Variants in KCTD16 observed in about 807,000 individuals in gnomAD.
KCTD16 encodes the protein BTB/POZ domain-containing protein KCTD16.
A neutral mutation model predicts 33.2 loss-of-function variants in KCTD16; 13 were observed. The ratio of observed to expected loss-of-function variants is 0.39; its 90% CI spans 0.25 to 0.62. The LOEUF (loss-of-function observed/expected upper bound fraction) is 0.62. KCTD16 is among the 20% of genes least tolerant of loss of function. The pLI, the probability that KCTD16 is intolerant of heterozygous loss-of-function variation, is 0.50. For missense variants in KCTD16, 441 were observed against 525.1 expected (o/e 0.84, Z 1.57); for synonymous variants, 197 against 195.3 (o/e 1.01, Z -0.07).
chr5:144,381,234 AC>A (rs1036520958), intron 3 of KCTD16, among the ~76,000 whole-genome samples: 1 of 152,158 alleles, frequency 6.6e-6, no homozygotes, highest in Non-Finnish European at 1.5e-5. Context: ...GCAAATCAAA[AC>A]CACAATGAGA....
chr5:144,238,601 T>TG (rs1754317842), intron 3 of KCTD16, among the ~76,000 whole-genome samples: 1 of 152,164 alleles, frequency 6.6e-6, no homozygotes, highest in African/African-American at 2.4e-5. Context: ...TATGCCTCCA[T>TG]GATCACCTGG....
chr5:144,279,201 A>G (rs1755533384), intron 3 of KCTD16, among the ~76,000 whole-genome samples: 1 of 152,218 alleles, frequency 6.6e-6, no homozygotes, highest in Non-Finnish European at 1.5e-5. Context: ...CTTTTCTTGT[A>G]GACACACTGA....
intron 3 of KCTD16, among the ~76,000 whole-genome samples, chr5:144,255,302 G>GAA (rs1429761201): frequency 1.3e-5 from 2 of 152,088 alleles, no homozygotes; most frequent in Non-Finnish European, 1.5e-5. Flanking sequence ...GTATCTCTTT[G>GAA]AAAGCCTCAA....
At chr5:144,423,241 A>G (rs2126963664) in intron 3 of KCTD16, among the ~76,000 whole-genome samples, 2 of 152,286 alleles carry the variant, frequency 1.3e-5, no homozygotes, top group Middle Eastern at 6.8e-3. Flanking sequence ...ACATAAGATT[A>G]CATGGGCTCC....
At chr5:144,178,741 G>C (rs1400130265) in intron 2 of KCTD16, among the ~76,000 whole-genome samples, 1 of 152,134 alleles carries the variant, frequency 6.6e-6, no homozygotes, top group South Asian at 2.1e-4. Flanking sequence ...ATTTATAAAT[G>C]TCATTTCTTT....
Position 144,441,849 on chromosome 5 carries a change from A to C in KCTD16, c.833-31811A>C, listed in dbSNP as rs367617562. 5.7e-4 allele frequency among the ~76,000 whole-genome samples: 85 copies of C among 149,360 alleles called. No homozygotes were observed. In the East Asian group the frequency reaches 0.012, roughly 20 times the overall value. ...ATATAAATGTTAAGATCATCTTGAC[A>C]ATTTCTGCAAAAAAAAAAAAAAATC... is the stretch of plus-strand genomic sequence containing the variant. On this transcript the variant is annotated intron_variant, in intron 3 of 3. Transcript: ENST00000512467.
At chr5:144,341,387 G>A (rs1752638707) in intron 3 of KCTD16, among the ~76,000 whole-genome samples, 3 of 152,116 alleles carry the variant, frequency 2.0e-5, no homozygotes, top group African/African-American at 7.2e-5. Flanking sequence ...GATTTCTCAT[G>A]GGGATTAGGC....
At position 144,484,845 on chromosome 5, in the gene KCTD16, T is replaced by TC. The variant is rs1272175461; in HGVS notation, c.*10731_*10732insC. The TC allele has an allele frequency of 2.0e-5, 3 of 151,998 alleles. No homozygotes were observed. The highest frequency in any genetic ancestry group is 4.4e-5 in the Non-Finnish European group (3 of 67,936). The allele number at this position is 151,998 out of a possible 1,614,324, so 9.4% of individuals were successfully genotyped here. A position where few individuals can be genotyped will look rare whatever the true frequency, so the allele number is the denominator to read the frequency against. On this transcript the variant is annotated 3_prime_UTR_variant, in exon 4 of 4. Transcript: ENST00000512467. ...CTTTCCAATGCAGTTCGCTTGTACA[T>TC]AAATGTAACGTCATATTGTTTACAG...
rs944081287 is a variant in KCTD16, at chr5:144,481,782, G to T, written c.*7668G>T. ...ATTTGGAGTAAAGAACTTGAATTAA[G>T]TTCATTCAATTCCTAGACTAACATT... On this transcript the variant is annotated 3_prime_UTR_variant, in exon 4 of 4. Coordinates refer to ENST00000512467, the MANE Select transcript of KCTD16 (RefSeq NM_020768.4). The T allele has an allele frequency of 1.3e-5, 2 of 151,876 alleles. No individual in the cohort carries two copies. The highest frequency in any genetic ancestry group is 2.4e-5 in the African/African-American group (1 of 41,372). 9.4% of individuals were successfully genotyped at this position (151,876 alleles called of 1,614,324 possible).
At position 144,481,306 on chromosome 5, in the gene KCTD16, T is replaced by C. The variant is rs774804930; in HGVS notation, c.*7192T>C. The C allele has an allele frequency of 3.9e-5, 6 of 151,956 alleles. No homozygotes were observed. Among genetic ancestry groups the C allele is most frequent in the African/African-American group, 9.7e-5 (4 of 41,400 alleles). 9.4% of individuals were successfully genotyped at this position (151,956 alleles called of 1,614,324 possible). On this transcript the variant is annotated 3_prime_UTR_variant, in exon 4 of 4. Coordinates refer to ENST00000512467, the MANE Select transcript of KCTD16 (RefSeq NM_020768.4). Reference sequence around the variant, plus strand: ...GGAGAAAGTGTTTTGAGCAGGCCAATGATTTCATTGTCTGTAACTGCTTAT... The same window carrying C: ...GGAGAAAGTGTTTTGAGCAGGCCAACGATTTCATTGTCTGTAACTGCTTAT...
chr5:144,418,789 A>G (rs1412518427), intron 3 of KCTD16, among the ~76,000 whole-genome samples: 2 of 152,172 alleles, frequency 1.3e-5, no homozygotes, highest in Non-Finnish European at 2.9e-5. Context: ...TAGACTGTCT[A>G]TGTGCCAGAC....
Position 144,473,858 on chromosome 5 carries a change from G to A in KCTD16, c.1031G>A (p.Arg344His), listed in dbSNP as rs1434066147. 11 of 1,613,932 alleles carry A rather than the reference G, an allele frequency of 6.8e-6. No homozygotes were observed. Among genetic ancestry groups the A allele is most frequent in the East Asian group, 4.5e-5 (2 of 44,874 alleles). Residue 344 changes from arginine to histidine, a missense_variant, in exon 4 of 4, where the codon CGT (arginine) becomes CAT (histidine). Arg to His is a conservative substitution (Grantham distance 29). Transcript: ENST00000512467. ...CAGACCAACATCCAGACTCTGGACCGTCCCATCAAGAAGGGCCCTGTCCAG... is the reference window on the plus strand; with the variant it reads ...CAGACCAACATCCAGACTCTGGACCATCCCATCAAGAAGGGCCCTGTCCAG... ...TRQTNIQTLD[R>H]PIKKGPVQLI...
rs1005911143 is a variant in KCTD16, at chr5:144,475,500, A to G, written c.*1386A>G. On this transcript the variant is annotated 3_prime_UTR_variant, in exon 4 of 4. Transcript: ENST00000512467. ...ACTGTTAATAGCCATCCGTCCATGT[A>G]ACTCTGTATTTTACTAAGGTACCAA... The G allele has an allele frequency of 6.6e-6, 1 of 152,644 alleles. No homozygotes were observed. The highest frequency in any genetic ancestry group is 2.4e-5 in the African/African-American group (1 of 41,450). 9.5% of individuals were successfully genotyped at this position (152,644 alleles called of 1,614,324 possible).
At chr5:144,348,728 T>A (rs244523) in intron 3 of KCTD16, among the ~76,000 whole-genome samples, 52,418 of 152,062 alleles carry the variant, frequency 0.34, 9,939 homozygotes, top group African/African-American at 0.51. Flanking sequence ...ATGCCAAAAA[T>A]ATTATCCTGG....
At chr5:144,441,778 T>C (rs865802550) in intron 3 of KCTD16, among the ~76,000 whole-genome samples, 21 of 151,896 alleles carry the variant, frequency 1.4e-4, no homozygotes, top group African/African-American at 4.6e-4. Context: ...ATTTGTTTTT[T>C]TTTTTTTAAG....
At chr5:144,438,337 C>G (rs992348272) in intron 3 of KCTD16, among the ~76,000 whole-genome samples, 1 of 152,200 alleles carries the variant, frequency 6.6e-6, no homozygotes, top group African/African-American at 2.4e-5. Context: ...TCACACATAG[C>G]TGAAAAGCAC....
chr5:144,437,366 G>A (rs2126973972), intron 3 of KCTD16, among the ~76,000 whole-genome samples: 2 of 152,230 alleles, frequency 1.3e-5, no homozygotes, highest in South Asian at 4.1e-4. Context: ...AGTAATGGAT[G>A]GGTTAATAGT....
chr5:144,229,797 C>T (rs920146227), intron 3 of KCTD16, among the ~76,000 whole-genome samples: 1 of 152,124 alleles, frequency 6.6e-6, no homozygotes, highest in Non-Finnish European at 1.5e-5. Context: ...TTGTGTCATT[C>T]GCTAACCAAA....
At chr5:144,292,479 T>G (rs1755921332) in intron 3 of KCTD16, among the ~76,000 whole-genome samples, 1 of 152,172 alleles carries the variant, frequency 6.6e-6, no homozygotes, top group East Asian at 1.9e-4. Flanking sequence ...TGAAATTTTT[T>G]TTTCAGTGCA....
Sources: allele counts gnomAD v4.1 joint callset (sites outside exome capture counted in the v4.1 genomes callset), GRCh38; gene constraint gnomAD v4.1.1; transcripts MANE v1.5; gene names NCBI Gene and HGNC (gene_info 2026-07-23, HGNC 2026-07-21).